Variants in MT1M observed in about 807,000 individuals in gnomAD.
MT1M encodes the protein metallothionein 1M.
In MT1M, 11 loss-of-function variants were observed where a neutral mutation model predicts 8.5. The ratio of observed to expected loss-of-function variants is 1.29; its 90% confidence interval spans 0.81 to 2.14. The LOEUF (loss-of-function observed/expected upper bound fraction) is 2.14. Ranked by LOEUF, MT1M falls within the 30% of genes most tolerant of loss-of-function variation. The probability of loss-of-function intolerance (pLI) is 0.00; values close to 1 mark genes in which losing one functional copy is unlikely to be tolerated. For synonymous variants in MT1M, 28 were observed against 30.0 expected, an observed-to-expected ratio of 0.93 and a Z score of 0.22; for missense variants, 84 against 76.6, an observed-to-expected ratio of 1.10 and a Z score of -0.36.
intron 1 of MT1M, 127 bp from the exon 2 acceptor site, chr16:56,633,213 C>T: frequency 6.9e-7 from 1 of 1,457,972 alleles, no homozygotes; most frequent in Non-Finnish European, 9.5e-7. Flanking sequence ...CAGGGGCTTT[C>T]CCTGAGTGGG....
intron 2 of MT1M, 106 bp downstream of exon 2, chr16:56,633,511 C>T: frequency 2.5e-6 from 4 of 1,608,342 alleles, no homozygotes; most frequent in Non-Finnish European, 3.4e-6. Context: ...CTTTCTTTGC[C>T]CTCATTGCCC....
rs1283044715 is a variant in MT1M, at chr16:56,632,696, T to C, written c.-36T>C. The C allele has an allele frequency of 6.2e-7, 1 of 1,612,736 alleles. No homozygotes were observed. The highest frequency in any genetic ancestry group is 1.3e-5 in the African/African-American group (1 of 74,896). On this transcript the variant is annotated 5_prime_UTR_variant, in exon 1 of 3. Coordinates refer to ENST00000379818, the MANE Select transcript of MT1M (RefSeq NM_176870.3). ...GGGTGGGCCTAGCAGTCGCTCCATT[T>C]ATCGCTTGAGATCTCCAGCCTTACC...
intron 1 of MT1M, 58 bp downstream of exon 1, chr16:56,632,817 G>T: frequency 6.2e-7 from 1 of 1,607,114 alleles, no homozygotes. Flanking sequence ...AGTACTGAGG[G>T]TCTCTGGGTT....
Position 56,632,668 on chromosome 16 carries a change from T to A in MT1M, c.-64T>A. On this transcript the variant is annotated 5_prime_UTR_variant, in exon 1 of 3. Coordinates refer to ENST00000379818, the MANE Select transcript of MT1M (RefSeq NM_176870.3). ...CAGGCTGTGGCGCTCCACCACGCCG[T>A]CCGGGTGGGCCTAGCAGTCGCTCCA... 6.2e-7 allele frequency: 1 copy of A among 1,606,886 alleles called. No individual in the cohort carries two copies. The highest frequency in any genetic ancestry group is 8.5e-7 in the Non-Finnish European group (1 of 1,175,138).
At chr16:56,633,185 C>T (rs2144314747) in intron 1 of MT1M, among the ~76,000 whole-genome samples, 155 bp from the exon 2 acceptor site, 1 of 152,330 alleles carries the variant, frequency 6.6e-6, no homozygotes, top group South Asian at 2.1e-4. Flanking sequence ...TTGCCCTTCC[C>T]AGCGTTAGTG....
At chr16:56,632,822 T>C in intron 1 of MT1M, 63 bp downstream of exon 1, 1 of 1,604,244 alleles carries the variant, frequency 6.2e-7, no homozygotes, top group Non-Finnish European at 8.5e-7. Flanking sequence ...TGAGGGTCTC[T>C]GGGTTTGAGG....
At chr16:56,633,709 C>T (rs774819092) in intron 2 of MT1M, 42 bp from the exon 3 acceptor site, 522 of 1,611,970 alleles carry the variant, frequency 3.2e-4, no homozygotes, top group Non-Finnish European at 4.3e-4. Context: ...GGGCGGTGCC[C>T]GGTCAAGTCT....
Position 56,633,361 on chromosome 16 carries a change from G to C in MT1M, c.50G>C (p.Gly17Ala). Residue 17 changes from glycine to alanine, a missense_variant, in exon 2 of 3, where the codon GGC becomes GCC. By Grantham distance (60) the Gly-to-Ala change is moderately conservative. Transcript: ENST00000379818. Reference sequence around the variant, plus strand: ...GCAGGTGTCTCCTGCGCCTGCACCGGCTCCTGCACGTGCAAAGAGTGCAAA... The same window carrying C: ...GCAGGTGTCTCCTGCGCCTGCACCGCCTCCTGCACGTGCAAAGAGTGCAAA... Reference protein sequence around the residue: ...CTTGVSCACTGSCTCKECKCT... With the variant: ...CTTGVSCACTASCTCKECKCT... The C allele has an allele frequency of 3.7e-6, 6 of 1,614,204 alleles. No individual in the cohort carries two copies. The highest frequency in any genetic ancestry group is 5.1e-6 in the Non-Finnish European group (6 of 1,180,048).
chr16:56,633,519 C>T (rs1960318813), intron 2 of MT1M, 114 bp downstream of exon 2: 2 of 1,604,942 alleles, frequency 1.2e-6, no homozygotes, highest in South Asian at 1.1e-5. Context: ...GCCCTCATTG[C>T]CCGTGTCATT....
intron 2 of MT1M, 50 bp from the exon 3 acceptor site, chr16:56,633,701 G>A: frequency 6.2e-7 from 1 of 1,610,208 alleles, no homozygotes; most frequent in African/African-American, 1.3e-5. Flanking sequence ...TTGGGGCAGG[G>A]CGGTGCCCGG....
Position 56,633,828 on chromosome 16 carries a change from A to C in MT1M, c.172A>C (p.Ser58Arg), listed in dbSNP as rs1363823767. ...CVCKGTLENC[S>R]CCA ...CTGCAAAGGGACGTTGGAGAACTGC[A>C]GCTGCTGTGCCTGATGTGGGAACAG... is the stretch of plus-strand genomic sequence containing the variant. Residue 58 changes from serine to arginine, a missense_variant, in exon 3 of 3, where the codon AGC (serine) becomes CGC (arginine). Ser to Arg is a moderately radical substitution (Grantham distance 110, BLOSUM62 -1). Transcript: ENST00000379818. 6.2e-7 allele frequency: 1 copy of C among 1,614,238 alleles called. No homozygotes were observed. The highest frequency in any genetic ancestry group is 1.7e-5 in the Admixed American group (1 of 60,030).
chr16:56,633,300 A>C (rs1960313463), intron 1 of MT1M, 40 bp from the exon 2 acceptor site: 4 of 1,614,036 alleles, frequency 2.5e-6, no homozygotes, highest in Middle Eastern at 3.3e-4. Context: ...TACCTTCTTC[A>C]TCTCACTCAC....
intron 2 of MT1M, 156 bp downstream of exon 2, chr16:56,633,561 T>C (rs1261268233): frequency 1.3e-6 from 2 of 1,592,796 alleles, no homozygotes; most frequent in African/African-American, 2.7e-5. Context: ...TAAATTCAGA[T>C]GGGGCAGGAC....
chr16:56,633,583 C>G, intron 2 of MT1M, 168 bp from the exon 3 acceptor site: 1 of 1,596,452 alleles, frequency 6.3e-7, no homozygotes. Flanking sequence ...GCATTTTTCT[C>G]TTGGGACACA....
chr16:56,633,437 G>T lies in MT1M; in HGVS notation c.94+32G>T, dbSNP rs1195126952. The T allele has an allele frequency of 6.2e-6, 10 of 1,614,122 alleles. No homozygotes were observed. In the Admixed American group the frequency reaches 1.7e-4, roughly 27 times the overall value. ...GCGGGGCCATCTCCAGGAATCTGGGGCTGTGGCTGAGATTGGGAGGGAACC... is the reference window on the plus strand; with the variant it reads ...GCGGGGCCATCTCCAGGAATCTGGGTCTGTGGCTGAGATTGGGAGGGAACC... On this transcript the variant is annotated intron_variant, in intron 2 of 2. Coordinates refer to ENST00000379818, the MANE Select transcript of MT1M (RefSeq NM_176870.3).
At chr16:56,632,900 C>A in intron 1 of MT1M, 141 bp downstream of exon 1, 1 of 1,137,302 alleles carries the variant, frequency 8.8e-7, no homozygotes, top group African/African-American at 1.5e-5. Flanking sequence ...TCCTGATCTC[C>A]CCTCTGAGAG....
chr16:56,633,404 G>A lies in MT1M; in HGVS notation c.93G>A (p.Lys31=), dbSNP rs1339728077. The change falls in exon 2 of 3, where the codon AAG becomes AAA. Residue 31 remains lysine, a splice_region_variant and synonymous_variant. Transcript: ENST00000379818. ...AGTGCAAATGCACCTCCTGCAAGAA[G>A]AGTGAGTGCGGGGCCATCTCCAGGA... ...CKECKCTSCK[K]SCCSCCPVGC... 2 of 1,614,260 alleles carry A rather than the reference G, an allele frequency of 1.2e-6. No homozygotes were observed. Among genetic ancestry groups the A allele is most frequent in the East Asian group, 4.5e-5 (2 of 44,888 alleles).
At chr16:56,633,151 T>C (rs1282400423) in intron 1 of MT1M, among the ~76,000 whole-genome samples, 189 bp from the exon 2 acceptor site, 1 of 152,182 alleles carries the variant, frequency 6.6e-6, no homozygotes, top group African/African-American at 2.4e-5. Flanking sequence ...GGGACCTTCC[T>C]GGTAGGGTAA....
chr16:56,633,215 C>T, intron 1 of MT1M, 125 bp from the exon 2 acceptor site: 1 of 1,465,888 alleles, frequency 6.8e-7, no homozygotes, highest in African/African-American at 1.4e-5. Context: ...GGGGCTTTCC[C>T]TGAGTGGGAA....
Sources: gnomAD v4.1 joint callset for allele counts (sites outside exome capture counted in the v4.1 genomes callset) on GRCh38, gnomAD v4.1.1 for gene constraint, MANE v1.5 for transcripts, NCBI Gene and HGNC (gene_info 2026-07-23, HGNC 2026-07-21) for gene names.